Variants in HTR1E observed in about 807,000 individuals in gnomAD.
HTR1E encodes the protein 5-HT-1E.
HTR1E carries 3 observed loss-of-function variants against 3.4 expected under a neutral mutation model. The ratio of observed to expected loss-of-function variants is 0.89; its 90% CI spans 0.41 to 2.31. HTR1E has a LOEUF of 2.31. Among genes scored for constraint, HTR1E ranks in the 30% most tolerant of loss-of-function variants. HTR1E has a pLI of 0.05. For missense variants in HTR1E, 392 were observed against 467.0 expected (o/e 0.84, Z 1.48); for synonymous variants, 170 against 182.8 (o/e 0.93, Z 0.56).
intron 1 of HTR1E, among the ~76,000 whole-genome samples, chr6:86,979,847 G>A (rs760788888): frequency 1.3e-5 from 2 of 152,178 alleles, no homozygotes; most frequent in Non-Finnish European, 2.9e-5. Context: ...CTTCTATGCC[G>A]AAGCTAGCCT....
At chr6:86,947,972 T>C (rs1767150262) in intron 1 of HTR1E, among the ~76,000 whole-genome samples, 1 of 152,176 alleles carries the variant, frequency 6.6e-6, no homozygotes, top group African/African-American at 2.4e-5. Flanking sequence ...CCTATCAACC[T>C]GTCATCTAGG....
chr6:86,979,589 CAAGT>C, intron 1 of HTR1E, among the ~76,000 whole-genome samples: 1 of 152,102 alleles, frequency 6.6e-6, no homozygotes, highest in Middle Eastern at 3.4e-3. Flanking sequence ...GAAAACATAA[CAAGT>C]AAATAAGAAG....
chr6:86,990,673 A>C (rs1177384885), intron 1 of HTR1E, among the ~76,000 whole-genome samples: 1 of 152,216 alleles, frequency 6.6e-6, no homozygotes, highest in Non-Finnish European at 1.5e-5. Context: ...TAATTTCCCC[A>C]GAACTAAAGG....
chr6:87,003,365 C>T (rs1307154701), intron 1 of HTR1E, among the ~76,000 whole-genome samples: 1 of 151,962 alleles, frequency 6.6e-6, no homozygotes, highest in African/African-American at 2.4e-5. Context: ...TGGCAAAACC[C>T]CATCTCTACT....
intron 1 of HTR1E, among the ~76,000 whole-genome samples, chr6:86,987,811 A>G (rs1767811314): frequency 6.6e-6 from 1 of 151,954 alleles, no homozygotes; most frequent in African/African-American, 2.4e-5. Context: ...CTCACATGGC[A>G]GAAGGCAGAG....
chr6:87,002,580 T>G (rs545619312), intron 1 of HTR1E, among the ~76,000 whole-genome samples: 52 of 152,294 alleles, frequency 3.4e-4, no homozygotes, highest in African/African-American at 1.1e-3. Flanking sequence ...TAGTGCTGAC[T>G]GGTGCATTTT....
chr6:86,984,541 C>T (rs1045812568), intron 1 of HTR1E, among the ~76,000 whole-genome samples: 5 of 152,160 alleles, frequency 3.3e-5, no homozygotes, highest in South Asian at 2.1e-4. Context: ...ATTTTAAGAA[C>T]TTAATTACAA....
intron 1 of HTR1E, among the ~76,000 whole-genome samples, chr6:87,000,685 T>C (rs940245062): frequency 6.6e-6 from 1 of 152,150 alleles, no homozygotes; most frequent in African/African-American, 2.4e-5. Flanking sequence ...AAATAAAGAC[T>C]TTCTCAGACA....
At chr6:86,974,825 T>C (rs1767607022) in intron 1 of HTR1E, among the ~76,000 whole-genome samples, 1 of 152,242 alleles carries the variant, frequency 6.6e-6, no homozygotes, top group Non-Finnish European at 1.5e-5. Flanking sequence ...TATTTATTTT[T>C]AACCTGAAAT....
At chr6:86,944,379 T>C (rs375087772) in intron 1 of HTR1E, among the ~76,000 whole-genome samples, 1 of 152,374 alleles carries the variant, frequency 6.6e-6, no homozygotes, top group African/African-American at 2.4e-5. Flanking sequence ...CAGAAGCTGT[T>C]TGATAAAGAC....
At chr6:86,958,917 G>C (rs1426619847) in intron 1 of HTR1E, among the ~76,000 whole-genome samples, 2 of 151,220 alleles carry the variant, frequency 1.3e-5, no homozygotes, top group Non-Finnish European at 2.9e-5. Context: ...GGGCTCTCCA[G>C]AGAAACAGAA....
chr6:86,974,176 T>C (rs1767598834), intron 1 of HTR1E, among the ~76,000 whole-genome samples: 1 of 152,254 alleles, frequency 6.6e-6, no homozygotes, highest in African/African-American at 2.4e-5. Context: ...CAGAGAACTT[T>C]TTTAAACCAC....
chr6:86,958,149 C>T (rs1767351973), intron 1 of HTR1E, among the ~76,000 whole-genome samples: 1 of 151,112 alleles, frequency 6.6e-6, no homozygotes, highest in African/African-American at 2.4e-5. Flanking sequence ...AGCTCCGCCT[C>T]CTGGGTTGAC....
At chr6:86,974,695 TA>T (rs147649643) in intron 1 of HTR1E, among the ~76,000 whole-genome samples, 11,341 of 152,290 alleles carry the variant, frequency 0.074, 545 homozygotes, top group East Asian at 0.15. Flanking sequence ...TTCCCCTGGG[TA>T]ATTAATGATA....
chr6:86,946,891 C>A (rs1768624427), intron 1 of HTR1E, among the ~76,000 whole-genome samples: 1 of 152,000 alleles, frequency 6.6e-6, no homozygotes, highest in East Asian at 1.9e-4. Flanking sequence ...CCAAGACAGG[C>A]GGATCACCTG....
chr6:86,959,174 C>A (rs995101832), intron 1 of HTR1E, among the ~76,000 whole-genome samples: 3 of 151,970 alleles, frequency 2.0e-5, no homozygotes, highest in African/African-American at 7.3e-5. Context: ...TCTCTTGAGG[C>A]CTTCAACTGA....
At chr6:86,963,108 C>T (rs2127820703) in intron 1 of HTR1E, among the ~76,000 whole-genome samples, 1 of 152,162 alleles carries the variant, frequency 6.6e-6, no homozygotes, top group Non-Finnish European at 1.5e-5. Flanking sequence ...TCCTGTGGGA[C>T]AAGATGTGGA....
chr6:86,951,491 G>A (rs1027913168), intron 1 of HTR1E, among the ~76,000 whole-genome samples: 2 of 152,126 alleles, frequency 1.3e-5, no homozygotes, highest in Non-Finnish European at 2.9e-5. Context: ...TTTAAAAGAT[G>A]CAACTTTTCT....
chr6:86,962,306 T>C (rs1767420769), intron 1 of HTR1E, among the ~76,000 whole-genome samples: 1 of 152,180 alleles, frequency 6.6e-6, no homozygotes, highest in African/African-American at 2.4e-5. Context: ...TTATCAGCTA[T>C]TTGAGAATGG....
Sources: allele counts gnomAD v4.1 joint callset (sites outside exome capture counted in the v4.1 genomes callset), GRCh38; gene constraint gnomAD v4.1.1; transcripts MANE v1.5; gene names NCBI Gene and HGNC (gene_info 2026-07-23, HGNC 2026-07-21).